The following TTC28 variants were observed in gnomAD, a reference collection of about 807,000 sequenced individuals.
TTC28 encodes tetratricopeptide repeat domain 28.
Under a neutral mutation model 198.0 loss-of-function variants are expected in TTC28, and 61 were observed. The observed-to-expected ratio is 0.31, with a 90% CI of 0.25 to 0.38. TTC28 has a LOEUF of 0.38. Among genes scored for constraint, TTC28 ranks in the 10% least tolerant of loss-of-function variants. The pLI is 1.00. For missense variants in TTC28, 2,678 were observed against 3,164.0 expected (o/e 0.85, Z 3.69); for synonymous variants, 1,171 against 1,297.8 (o/e 0.90, Z 2.10).
chr22:28,429,518 G>C (rs1312422942), intron 2 of TTC28, among the ~76,000 whole-genome samples: 1 of 152,106 alleles, frequency 6.6e-6, no homozygotes, highest in African/African-American at 2.4e-5. Flanking sequence ...AACCCCAGCA[G>C]CTCTGAAAAT....
At chr22:28,105,885 T>G in intron 7 of TTC28, 83 bp from the exon 8 acceptor site, 1 of 1,424,244 alleles carries the variant, frequency 7.0e-7, no homozygotes, top group Non-Finnish European at 9.2e-7. Context: ...ATGAAAAGCA[T>G]TTGTCACTGT....
At chr22:28,352,098 GA>G (rs897093663) in intron 2 of TTC28, among the ~76,000 whole-genome samples, 20 of 151,970 alleles carry the variant, frequency 1.3e-4, no homozygotes, top group Non-Finnish European at 2.9e-5. Context: ...TAAGGCAGAA[GA>G]AAATTACAAA....
chr22:28,639,317 G>A (rs569866835), intron 1 of TTC28, among the ~76,000 whole-genome samples: 1 of 152,126 alleles, frequency 6.6e-6, no homozygotes, highest in Non-Finnish European at 1.5e-5. Flanking sequence ...AGAAGAAATT[G>A]TATCAGTTTA....
intron 5 of TTC28, among the ~76,000 whole-genome samples, chr22:28,214,260 CAA>C (rs1601486386): frequency 6.6e-6 from 1 of 152,152 alleles, no homozygotes; most frequent in African/African-American, 2.4e-5. Flanking sequence ...GCAATGGCAA[CAA>C]AAGTCAAAAT....
At chr22:27,990,110 A>G in intron 20 of TTC28, 103 bp from the exon 21 acceptor site, 2 of 1,417,620 alleles carry the variant, frequency 1.4e-6, no homozygotes, top group Non-Finnish European at 1.9e-6. Flanking sequence ...TGGCATCGCT[A>G]ATGACCCTCT....
chr22:28,447,681 A>C (rs2047722997), intron 2 of TTC28, among the ~76,000 whole-genome samples: 1 of 152,236 alleles, frequency 6.6e-6, no homozygotes, highest in Non-Finnish European at 1.5e-5. Flanking sequence ...AAAGTTATTT[A>C]AACTGGGGGT....
intron 22 of TTC28, 140 bp downstream of exon 22, chr22:27,985,109 C>CCTAA (rs1319936646): frequency 8.1e-6 from 5 of 617,228 alleles, no homozygotes; most frequent in Non-Finnish European, 1.4e-5. Flanking sequence ...CTGAATAGTC[C>CCTAA]CTAACTGTTC....
At chr22:28,080,826 G>A (rs938647250) in intron 12 of TTC28, among the ~76,000 whole-genome samples, 16 of 151,844 alleles carry the variant, frequency 1.1e-4, no homozygotes, top group African/African-American at 3.9e-4. Flanking sequence ...CAAGTTTTAC[G>A]TTTAGGTCTC....
intron 2 of TTC28, among the ~76,000 whole-genome samples, chr22:28,372,063 G>A (rs1336205075): frequency 6.6e-6 from 1 of 151,912 alleles, no homozygotes; most frequent in Non-Finnish European, 1.5e-5. Context: ...ACTCCAGCAT[G>A]GATGACAGAA....
At chr22:28,570,060 T>C (rs34593692) in intron 2 of TTC28, among the ~76,000 whole-genome samples, 33,807 of 152,142 alleles carry the variant, frequency 0.22, 3,973 homozygotes, top group Non-Finnish European at 0.25. Context: ...ATAACAGACG[T>C]TGACGAGGCT....
chr22:28,387,682 G>T (rs1479562097), intron 2 of TTC28, among the ~76,000 whole-genome samples: 2 of 152,178 alleles, frequency 1.3e-5, no homozygotes, highest in Non-Finnish European at 2.9e-5. Flanking sequence ...CCCACTTTTT[G>T]ATGGGGTTGT....
At chr22:28,195,973 T>G (rs970472668) in intron 5 of TTC28, among the ~76,000 whole-genome samples, 36 of 151,854 alleles carry the variant, frequency 2.4e-4, no homozygotes, top group Non-Finnish European at 5.2e-4. Flanking sequence ...GAGCCCGTAT[T>G]GCCAAGTCAA....
chr22:28,400,527 A>T (rs1016893152), intron 2 of TTC28, among the ~76,000 whole-genome samples: 1 of 152,238 alleles, frequency 6.6e-6, no homozygotes, highest in Non-Finnish European at 1.5e-5. Flanking sequence ...TCTATATAGT[A>T]GTGGTAGTAG....
intron 2 of TTC28, among the ~76,000 whole-genome samples, chr22:28,536,066 C>T (rs1360717806): frequency 6.6e-6 from 1 of 151,212 alleles, no homozygotes; most frequent in African/African-American, 2.4e-5. Context: ...GGCTTGGTGG[C>T]GGGCCCCTGT....
chr22:28,182,295 C>T (rs1923772864), intron 5 of TTC28, among the ~76,000 whole-genome samples: 1 of 152,166 alleles, frequency 6.6e-6, no homozygotes, highest in Non-Finnish European at 1.5e-5. Context: ...CCAGTCCACA[C>T]TTGCCAGCCA....
At chr22:28,593,852 C>T (rs1340412932) in intron 2 of TTC28, among the ~76,000 whole-genome samples, 4 of 152,114 alleles carry the variant, frequency 2.6e-5, no homozygotes, top group African/African-American at 7.2e-5. Flanking sequence ...AGTTCTACGA[C>T]ATCTTAAATC....
chr22:28,566,926 A>G (rs887673586), intron 2 of TTC28, among the ~76,000 whole-genome samples: 1 of 152,068 alleles, frequency 6.6e-6, no homozygotes, highest in Non-Finnish European at 1.5e-5. Context: ...CTAAAAAGGT[A>G]AAAATATAGG....
At chr22:28,610,458 T>C (rs1047764955) in intron 2 of TTC28, among the ~76,000 whole-genome samples, 9 of 152,128 alleles carry the variant, frequency 5.9e-5, no homozygotes, top group African/African-American at 1.4e-4. Context: ...GGGTCTAAAG[T>C]GGACCTCCAG....
intron 5 of TTC28, among the ~76,000 whole-genome samples, chr22:28,178,544 C>T (rs1038864074): frequency 1.3e-5 from 2 of 151,888 alleles, no homozygotes; most frequent in African/African-American, 4.8e-5. Flanking sequence ...GGGGGAATGG[C>T]TAATTCTAGG....
Sources: gnomAD v4.1 joint callset for allele counts (sites outside exome capture counted in the v4.1 genomes callset) on GRCh38, gnomAD v4.1.1 for gene constraint, MANE v1.5 for transcripts, NCBI Gene and HGNC (gene_info 2026-07-23, HGNC 2026-07-21) for gene names.